MYO19: variants seen among roughly 807,000 people sequenced by gnomAD.
The protein encoded by MYO19 is myosin XIX, also known as unconventional myosin-XIX.
MYO19 carries 132 observed loss-of-function variants against 129.2 expected under a neutral mutation model. The ratio of observed to expected loss-of-function variants is 1.02; its 90% CI spans 0.89 to 1.18. The LOEUF is 1.18. Among genes scored for constraint, MYO19 ranks in the 50% most tolerant of loss-of-function variants. MYO19 has a pLI of 0.00. For missense variants in MYO19, 1,210 were observed against 1,216.7 expected (o/e 0.99, Z 0.08); for synonymous variants, 531 against 477.2 (o/e 1.11, Z -1.47).
chr17:36,537,143 CAA>C (rs1314416011), upstream of MYO19: 1 of 1,610,962 alleles, frequency 6.2e-7, no homozygotes, highest in African/African-American at 1.3e-5. Flanking sequence ...TCAGTAACCT[CAA>C]TGGAACCACC....
intron 5 of MYO19, among the ~76,000 whole-genome samples, chr17:36,526,355 T>C (rs12602787): frequency 0.02 from 3,088 of 152,212 alleles, 96 homozygotes; most frequent in East Asian, 0.093. Flanking sequence ...CCTGCTCTCA[T>C]CTACTCCCTC....
At position 36,505,419 on chromosome 17, in the gene MYO19, C is replaced by A. The variant is rs775865243; in HGVS notation, c.1798-15G>T. On this transcript the variant is annotated splice_polypyrimidine_tract_variant and intron_variant, in intron 18 of 25. Coordinates refer to ENST00000614623, the MANE Select transcript of MYO19 (RefSeq NM_001163735.2). ...TCCAGTGAGGCCTGCAGATGAGAGA[C>A]CATGGGGTTAGGCAGGGAGAGGGGC... 3.7e-6 allele frequency: 6 copies of A among 1,609,144 alleles called. No individual in the cohort carries two copies. Among genetic ancestry groups the A allele is most frequent in the Non-Finnish European group, 5.1e-6 (6 of 1,175,990 alleles).
At chr17:36,503,069 A>G in intron 21 of MYO19, 28 bp downstream of exon 21, 1 of 1,584,464 alleles carries the variant, frequency 6.3e-7, no homozygotes. Context: ...GTGGTTGCAC[A>G]AATGACTAAC....
rs751314023 is a variant in MYO19 at position 36,501,177 on chromosome 17, G to A, written c.2139C>T (p.His713=). 6.2e-7 allele frequency: 1 copy of A among 1,614,044 alleles called. No individual in the cohort carries two copies. The highest frequency in any genetic ancestry group is 1.1e-5 in the South Asian group (1 of 91,082). Residue 713 remains histidine (H), a synonymous_variant, in exon 22 of 26, where the codon CAC becomes CAT. Coordinates refer to ENST00000614623, the MANE Select transcript of MYO19 (RefSeq NM_001163735.2). The stretch of plus-strand genomic sequence containing the variant: ...CTGCCTGAGTTAGGACCGGCAGAGT[G>A]TGGAGAATGTCCTGGATGAGAGGTT... ...TLEPLIQDIL[H]TLPVLTQAAA...
chr17:36,532,451 C>T (rs2073886179), intron 3 of MYO19, 76 bp downstream of exon 3: 1 of 1,535,800 alleles, frequency 6.5e-7, no homozygotes, highest in Non-Finnish European at 8.8e-7. Context: ...GGGGCTTTCC[C>T]TTCCTTCCAG....
chr17:36,513,553 C>A (rs927925553), intron 10 of MYO19, 48 bp from the exon 11 acceptor site: 8 of 1,613,414 alleles, frequency 5.0e-6, no homozygotes, highest in Non-Finnish European at 6.8e-6. Context: ...CAGCAAGATG[C>A]GAGGGAGGCA....
In MYO19 at chr17:36,521,091, T is replaced by C. The variant is rs559160353; in HGVS notation, c.414+4137A>G. Reference sequence around the variant, plus strand: ...TCATCTCCATTTGATTCTTTATAGTTTCCACCTATCTGCTGAAAGACTGGA... The same window carrying C: ...TCATCTCCATTTGATTCTTTATAGTCTCCACCTATCTGCTGAAAGACTGGA... On this transcript the variant is annotated intron_variant, in intron 6 of 25. Transcript: ENST00000614623. Among the ~76,000 whole-genome samples, 11 of 152,348 alleles carry C rather than the reference T, an allele frequency of 7.2e-5. 1 individual carries two copies. The South Asian group carries it at 2.3e-3, about 32-fold the overall frequency.
At chr17:36,527,823 G>T in intron 4 of MYO19, 124 bp from the exon 5 acceptor site, 2 of 1,164,908 alleles carry the variant, frequency 1.7e-6, no homozygotes, top group Non-Finnish European at 1.2e-6. Flanking sequence ...AATCCCAGCA[G>T]CTCCCTGAAG....
chr17:36,537,264 A>G, upstream of MYO19: 1 of 1,613,726 alleles, frequency 6.2e-7, no homozygotes, highest in Non-Finnish European at 8.5e-7. Flanking sequence ...TACCTGGAAA[A>G]CTAGATTCCT....
chr17:36,531,402 A>G (rs1472154690), intron 3 of MYO19, among the ~76,000 whole-genome samples: 7 of 151,614 alleles, frequency 4.6e-5, no homozygotes, highest in African/African-American at 1.7e-4. Context: ...CTCAAAAAAA[A>G]AAAAAAAAAA....
At chr17:36,522,067 A>G (rs1335631977) in intron 6 of MYO19, among the ~76,000 whole-genome samples, 5 of 151,776 alleles carry the variant, frequency 3.3e-5, no homozygotes, top group African/African-American at 1.2e-4. Flanking sequence ...AAGAAAAAAG[A>G]AAATAAAGTC....
rs745438535 is a variant in MYO19 at position 36,496,416 on chromosome 17, A to G, written c.2758-10T>C. On this transcript the variant is annotated splice_polypyrimidine_tract_variant and intron_variant, in intron 25 of 25. Coordinates refer to ENST00000614623, the MANE Select transcript of MYO19 (RefSeq NM_001163735.2). ...GAAACTTTATCGATCCCTAGAGGGG[A>G]GAGAGAGATGCAGCTTTAGCACTAG... The G allele has an allele frequency of 1.7e-5, 27 of 1,613,052 alleles. No individual in the cohort carries two copies. The highest frequency in any genetic ancestry group is 8.9e-5 in the East Asian group (4 of 44,880).
chr17:36,528,083 A>G lies in MYO19; in HGVS notation c.132T>C (p.Asn44=), dbSNP rs1225334325. The change falls in exon 4 of 26, where the codon AAT becomes AAC. Residue 44 remains asparagine (N), a synonymous_variant. Transcript: ENST00000614623. The part of the protein sequence containing the change: ...LYKLDDLTRV[N]PVTLETVLRC... The stretch of plus-strand genomic sequence containing the variant: ...CCATACCTGTCTCTAGTGTCACAGG[A>G]TTCACCCTGGTGAGGTCATCCAGTT... The G allele has an allele frequency of 6.2e-7, 1 of 1,613,724 alleles. No homozygotes were observed.
rs565475421 is a variant in MYO19, at chr17:36,510,971, C to A, written c.986-54G>T. The A allele has an allele frequency of 9.2e-6, 14 of 1,515,588 alleles. No homozygotes were observed. The African/African-American group carries it at 1.1e-4, about 12-fold the overall frequency. 93.9% of individuals were successfully genotyped at this position (1,515,588 alleles called of 1,614,324 possible). ...ATCACTCTCCATCCAGTCCTCTTCA[C>A]GAGGCACTGTGAAGTCATCACAGCG... On this transcript the variant is annotated intron_variant, in intron 12 of 25. Transcript: ENST00000614623.
upstream of MYO19, among the ~76,000 whole-genome samples, chr17:36,544,683 G>T (rs1449604813): frequency 6.6e-6 from 1 of 152,190 alleles, no homozygotes; most frequent in East Asian, 1.9e-4. Context: ...GCCTGAGGTT[G>T]GGCCGATCAC....
chr17:36,506,851 G>A, intron 17 of MYO19, 112 bp downstream of exon 17: 4 of 1,313,714 alleles, frequency 3.0e-6, no homozygotes, highest in Non-Finnish European at 4.1e-6. Flanking sequence ...TCTGGATTCT[G>A]GGAGGAGGTT....
rs745314304 is a variant in MYO19 at position 36,515,865 on chromosome 17, T to G, written c.540A>C (p.Glu180Asp). 6.2e-7 allele frequency: 1 copy of G among 1,612,372 alleles called. No individual in the cohort carries two copies. Among genetic ancestry groups the G allele is most frequent in the Non-Finnish European group, 8.5e-7 (1 of 1,178,640 alleles). The change falls in exon 7 of 26, where the codon GAA becomes GAC. Residue 180 changes from glutamate to aspartate, a missense_variant. Physicochemically the swap from Glu to Asp is conservative, Grantham distance 45 (BLOSUM62 2). Transcript: ENST00000614623. Reference sequence around the variant, plus strand: ...AAAGGAGCCCAAGCTCACCAAAAGCTTCCATGACAGGGTTGGAGTTCAGGA... The same window carrying G: ...AAAGGAGCCCAAGCTCACCAAAAGCGTCCATGACAGGGTTGGAGTTCAGGA... ...QRILNSNPVM[E>D]AFGNACTLRN... is the part of the protein sequence containing the mutation.
intron 11 of MYO19, among the ~76,000 whole-genome samples, chr17:36,511,753 C>T (rs1454284176): frequency 6.6e-6 from 1 of 152,214 alleles, no homozygotes; most frequent in Non-Finnish European, 1.5e-5. Flanking sequence ...CAGATGTCTC[C>T]TGGGGCAGCC....
chr17:36,521,880 A>C (rs559925475), intron 6 of MYO19, among the ~76,000 whole-genome samples: 5 of 152,026 alleles, frequency 3.3e-5, no homozygotes, highest in Admixed American at 3.3e-4. Context: ...AAAATACAAA[A>C]ATTAGCTGGG....
Sources: gnomAD v4.1 joint callset for allele counts (sites outside exome capture counted in the v4.1 genomes callset) on GRCh38, gnomAD v4.1.1 for gene constraint, MANE v1.5 for transcripts, NCBI Gene and HGNC (gene_info 2026-07-23, HGNC 2026-07-21) for gene names.